RPGRIP1: variants seen among roughly 807,000 people sequenced by gnomAD.
RPGRIP1 encodes the protein X-linked retinitis pigmentosa GTPase regulator-interacting protein 1.
In RPGRIP1, 128 loss-of-function variants were observed where a neutral mutation model predicts 157.9. The ratio of observed to expected loss-of-function variants is 0.81; its 90% CI spans 0.70 to 0.94. RPGRIP1 has a LOEUF of 0.94. Ranked by LOEUF, RPGRIP1 falls within the 40% of genes least tolerant of loss-of-function variation. The probability of loss-of-function intolerance (pLI) is 0.00; values close to 1 mark genes in which losing one functional copy is unlikely to be tolerated. For missense variants in RPGRIP1, 1,486 were observed against 1,545.8 expected (o/e 0.96, Z 0.65); for synonymous variants, 554 against 571.6 (o/e 0.97, Z 0.44).
rs61359212 is a variant in RPGRIP1 at position 21,350,391 on chromosome 14, A to AAAAAAC, written c.3749-708_3749-707insCAAAAA. 9.8e-3 allele frequency among the ~76,000 whole-genome samples: 1,400 copies of AAAAAAC among 142,754 alleles called. 56 individuals are homozygous for AAAAAAC. Among genetic ancestry groups the AAAAAAC allele is most frequent in the African/African-American group, 0.034 (1,304 of 37,942 alleles). The allele number at this position is 142,754 out of a possible 152,430, so 93.7% of individuals were successfully genotyped here. On this transcript the variant is annotated intron_variant, in intron 24 of 24. Coordinates refer to ENST00000400017, the MANE Select transcript of RPGRIP1 (RefSeq NM_020366.4). ...ACTCTGTCTCCAAAAAAAAAAAAAA[A>AAAAAAC]AAAAAGAAAACAGGAATTAAGAGTA...
chr14:21,288,793 G>A (rs1370801013), intron 2 of RPGRIP1, among the ~76,000 whole-genome samples: 2 of 152,034 alleles, frequency 1.3e-5, no homozygotes, highest in African/African-American at 2.4e-5. Context: ...GATTACAGGC[G>A]TGAGCCACCG....
intron 22 of RPGRIP1, among the ~76,000 whole-genome samples, chr14:21,344,861 G>A (rs541526655): frequency 1.4e-4 from 22 of 152,188 alleles, no homozygotes; most frequent in Non-Finnish European, 2.2e-4. Flanking sequence ...CAGGAGAATC[G>A]CTTGAACTTG....
At chr14:21,341,221 C>T (rs985752835) in intron 21 of RPGRIP1, among the ~76,000 whole-genome samples, 1 of 151,950 alleles carries the variant, frequency 6.6e-6, no homozygotes, top group African/African-American at 2.4e-5. Flanking sequence ...AATAGAGATG[C>T]GGTTTCACCA....
chr14:21,346,548 C>CT (rs1566370482), intron 23 of RPGRIP1, among the ~76,000 whole-genome samples: 4 of 151,620 alleles, frequency 2.6e-5, no homozygotes, highest in Admixed American at 2.6e-4. Context: ...CAGACTCTGC[C>CT]TCTAAGGAAA....
chr14:21,316,450 A>G (rs530484743), intron 10 of RPGRIP1, among the ~76,000 whole-genome samples: 35 of 151,918 alleles, frequency 2.3e-4, no homozygotes, highest in African/African-American at 8.2e-4. Flanking sequence ...GGAATCTCAC[A>G]CTGTTACCTG....
At chr14:21,309,431 G>A (rs1412727946) in intron 7 of RPGRIP1, among the ~76,000 whole-genome samples, 1 of 152,100 alleles carries the variant, frequency 6.6e-6, no homozygotes, top group Admixed American at 6.6e-5. Flanking sequence ...AGGATTGCTT[G>A]AGTGCTTGAG....
At chr14:21,284,900 A>G (rs1880247716) in intron 1 of RPGRIP1, among the ~76,000 whole-genome samples, 1 of 152,154 alleles carries the variant, frequency 6.6e-6, no homozygotes, top group Non-Finnish European at 1.5e-5. Context: ...AATCAAGAAC[A>G]GAATGCTTTA....
rs116146974 is a variant in RPGRIP1, at chr14:21,297,804, C to T, written c.218+2995C>T. 1.7e-3 allele frequency among the ~76,000 whole-genome samples: 238 copies of T among 141,606 alleles called. 2 individuals are homozygous for T. Among genetic ancestry groups the T allele is most frequent in the African/African-American group, 6.0e-3 (233 of 39,086 alleles). 92.9% of individuals were successfully genotyped at this position (141,606 alleles called of 152,430 possible). On this transcript the variant is annotated intron_variant, in intron 3 of 24. Transcript: ENST00000400017. The stretch of plus-strand genomic sequence containing the variant: ...ATTTCATGCTGTCAGAAAGCAAGCA[C>T]AATTCTATGTTTCGGTATCTCAATA...
At chr14:21,325,172 G>T in intron 15 of RPGRIP1, 60 bp from the exon 16 acceptor site, 1 of 1,549,492 alleles carries the variant, frequency 6.5e-7, no homozygotes. Flanking sequence ...CCTTTGTCTT[G>T]TTCTTGATCC....
intron 11 of RPGRIP1, among the ~76,000 whole-genome samples, chr14:21,319,143 A>G (rs879388451): frequency 6.6e-6 from 1 of 152,214 alleles, no homozygotes; most frequent in African/African-American, 2.4e-5. Context: ...GCACATGCCA[A>G]TTAGTATGTT....
intron 4 of RPGRIP1, 50 bp from the exon 5 acceptor site, chr14:21,302,438 T>A (rs1401066285): frequency 5.9e-6 from 6 of 1,024,940 alleles, no homozygotes; most frequent in Non-Finnish European, 8.3e-6. Context: ...GTACTTGGTG[T>A]TCCGGAGGGT....
chr14:21,302,865 G>GTGTTTT (rs1187505557), intron 5 of RPGRIP1: 3 of 88,198 alleles, frequency 3.4e-5, no homozygotes, highest in African/African-American at 1.4e-4. Context: ...CCTTTGTTGT[G>GTGTTTT]TTTTTTTTTT....
intron 3 of RPGRIP1, among the ~76,000 whole-genome samples, chr14:21,300,151 AT>A (rs1880960846): frequency 6.6e-6 from 1 of 152,152 alleles, no homozygotes; most frequent in Non-Finnish European, 1.5e-5. Context: ...CAAAATTAGT[AT>A]TTTGTGGTTA....
intron 23 of RPGRIP1, among the ~76,000 whole-genome samples, chr14:21,346,642 C>T (rs1043050434): frequency 1.3e-5 from 2 of 152,174 alleles, no homozygotes; most frequent in African/African-American, 4.8e-5. Context: ...ATCCATACCG[C>T]CTGTGCATGT....
At chr14:21,334,487 A>C in intron 20 of RPGRIP1, 118 bp from the exon 21 acceptor site, 1 of 743,730 alleles carries the variant, frequency 1.3e-6, no homozygotes, top group South Asian at 1.5e-5. Context: ...AAGTGAAGGC[A>C]AAATCTAGAC....
Position 21,302,335 on chromosome 14 carries a change from A to G in RPGRIP1, c.491-153A>G, listed in dbSNP as rs111252349. 1.3e-3 allele frequency among the ~76,000 whole-genome samples: 94 copies of G among 72,560 alleles called. 1 individual carries two copies. The highest frequency in any genetic ancestry group is 5.0e-3 in the African/African-American group (85 of 16,952). The allele number at this position is 72,560 out of a possible 152,430, so 47.6% of individuals were successfully genotyped here. The stretch of plus-strand genomic sequence containing the variant: ...TTTAGTTGCAGTTTTTTGCAAGAGT[A>G]AAAAAAAAACTGCTCCTCGGGGACC... On this transcript the variant is annotated intron_variant, in intron 4 of 24. Coordinates refer to ENST00000400017, the MANE Select transcript of RPGRIP1 (RefSeq NM_020366.4).
intron 8 of RPGRIP1, 49 bp from the exon 9 acceptor site, chr14:21,311,775 C>T (rs775338711): frequency 9.2e-6 from 14 of 1,525,066 alleles, no homozygotes; most frequent in South Asian, 1.3e-5. Flanking sequence ...GGAGACCACT[C>T]GTGCTGAGTG....
intron 11 of RPGRIP1, chr14:21,318,094 TTTTG>T (rs370997086): frequency 0.011 from 7,017 of 652,484 alleles, 91 homozygotes; most frequent in Non-Finnish European, 0.013. Context: ...AGATGCTAGT[TTTTG>T]TTTGTTTGTT....
At chr14:21,280,452 G>T (rs1459155710) in intron 1 of RPGRIP1, among the ~76,000 whole-genome samples, 1 of 151,904 alleles carries the variant, frequency 6.6e-6, no homozygotes, top group Non-Finnish European at 1.5e-5. Flanking sequence ...CACCATGTTT[G>T]CCAGGCTGGT....
Sources: gnomAD v4.1 joint callset for allele counts (sites outside exome capture counted in the v4.1 genomes callset) on GRCh38, gnomAD v4.1.1 for gene constraint, MANE v1.5 for transcripts, NCBI Gene and HGNC (gene_info 2026-07-23, HGNC 2026-07-21) for gene names.